EXT2: variants seen among roughly 807,000 people sequenced by gnomAD.
The protein encoded by EXT2 is exostosin glycosyltransferase 2, also known as exostosin-2.
In EXT2, 53 loss-of-function variants were observed where a neutral mutation model predicts 81.6. The ratio of observed to expected loss-of-function variants is 0.65; its 90% CI spans 0.52 to 0.82. The LOEUF is 0.82. Ranked by LOEUF, EXT2 falls within the 40% of genes least tolerant of loss-of-function variation. The pLI, the probability that EXT2 is intolerant of heterozygous loss-of-function variation, is 0.00. For synonymous variants in EXT2, 320 were observed against 340.0 expected (o/e 0.94, Z 0.65); for missense variants, 774 against 910.2 (o/e 0.85, Z 1.93).
chr11:44,129,944 T>C (rs933513731), intron 6 of EXT2, 101 bp from the exon 7 acceptor site: 7 of 889,244 alleles, frequency 7.9e-6, no homozygotes, highest in African/African-American at 3.3e-5. Flanking sequence ...TGAAGGAGGT[T>C]TGGGATGTTG....
intron 4 of EXT2, among the ~76,000 whole-genome samples, chr11:44,119,124 TTATATATATATA>T (rs200249806): frequency 0.025 from 653 of 25,612 alleles, 28 homozygotes; most frequent in African/African-American, 0.045. Context: ...ATTTGGCTAT[TTATATATATATA>T]TATATATATA....
intron 8 of EXT2, among the ~76,000 whole-genome samples, chr11:44,186,984 T>TCCTCCCTTCCTTCCTC (rs1426244619): frequency 1.4e-4 from 4 of 28,154 alleles, no homozygotes; most frequent in African/African-American, 5.1e-4. Context: ...GTACAAAATT[T>TCCTCCCTTCCTTCCTC]CCTTCCTTCC....
At chr11:44,206,606 A>G (rs1255295516) in intron 9 of EXT2, among the ~76,000 whole-genome samples, 187 bp from the exon 10 acceptor site, 1 of 152,142 alleles carries the variant, frequency 6.6e-6, no homozygotes, top group Non-Finnish European at 1.5e-5. Flanking sequence ...TACGTGCAGT[A>G]TATATATTTT....
At chr11:44,242,149 G>A (rs74663372) in intron 13 of EXT2, among the ~76,000 whole-genome samples, 1,769 of 152,304 alleles carry the variant, frequency 0.012, 34 homozygotes, top group African/African-American at 0.041. Context: ...TCTTTAATAC[G>A]TACTTGCTAG....
At chr11:44,173,217 G>GA (rs1443923413) in intron 8 of EXT2, among the ~76,000 whole-genome samples, 10 of 152,326 alleles carry the variant, frequency 6.6e-5, no homozygotes, top group South Asian at 2.1e-4. Context: ...GAGTGCCTGA[G>GA]AGGAAGTCAG....
At chr11:44,112,853 C>T (rs1954165583) in intron 3 of EXT2, among the ~76,000 whole-genome samples, 1 of 152,162 alleles carries the variant, frequency 6.6e-6, no homozygotes, top group Non-Finnish European at 1.5e-5. Flanking sequence ...ACCCACTTCT[C>T]CTCTGGGGCT....
intron 10 of EXT2, among the ~76,000 whole-genome samples, chr11:44,208,580 G>A (rs1955611033): frequency 6.6e-6 from 1 of 152,196 alleles, no homozygotes; most frequent in Non-Finnish European, 1.5e-5. Context: ...AAATCAGGAA[G>A]CTTTCTTATC....
chr11:44,143,648 A>C lies in EXT2; in HGVS notation c.1173+13510A>C, dbSNP rs918781292. ...GCAGAGCTTGTCCCTATAACCCTTAATCAGAAGATGGGGCTTTCTACCAGC... is the reference window on the plus strand; with the variant it reads ...GCAGAGCTTGTCCCTATAACCCTTACTCAGAAGATGGGGCTTTCTACCAGC... On this transcript the variant is annotated intron_variant, in intron 7 of 13. Coordinates refer to ENST00000533608, the MANE Select transcript of EXT2 (RefSeq NM_207122.2). 4.6e-5 allele frequency among the ~76,000 whole-genome samples: 7 copies of C among 152,302 alleles called. No individual in the cohort carries two copies. The South Asian group carries it at 1.5e-3, about 32-fold the overall frequency.
chr11:44,122,183 A>C (rs1333239446), intron 4 of EXT2, among the ~76,000 whole-genome samples: 2 of 152,194 alleles, frequency 1.3e-5, no homozygotes, highest in Non-Finnish European at 2.9e-5. Context: ...ATTGTTTGGA[A>C]AGACCTTTAA....
intron 8 of EXT2, among the ~76,000 whole-genome samples, chr11:44,193,793 C>G (rs960925003): frequency 3.9e-5 from 6 of 152,220 alleles, no homozygotes; most frequent in Admixed American, 2.0e-4. Flanking sequence ...TCCATACCCC[C>G]CATGCTGCCT....
intron 12 of EXT2, 53 bp from the exon 13 acceptor site, chr11:44,236,240 T>C: frequency 6.5e-7 from 1 of 1,535,624 alleles, no homozygotes; most frequent in Non-Finnish European, 9.0e-7. Context: ...ACAAGCATGA[T>C]TTTATTGTCC....
chr11:44,170,835 C>G (rs928249753), intron 7 of EXT2, among the ~76,000 whole-genome samples: 3 of 148,348 alleles, frequency 2.0e-5, no homozygotes, highest in South Asian at 2.1e-4. Flanking sequence ...CACACACACA[C>G]ACACACACAC....
rs114017425 is a variant in EXT2 at position 44,189,643 on chromosome 11, G to A, written c.1306-8186G>A. ...CACTCACTGTCATGAGAACAGCAAG[G>A]GGGAAACCCACCCCCATGATTCATT... On this transcript the variant is annotated intron_variant, in intron 8 of 13. Transcript: ENST00000533608. 5.5e-3 allele frequency among the ~76,000 whole-genome samples: 839 copies of A among 152,218 alleles called. 13 individuals carry two copies. Among genetic ancestry groups the A allele is most frequent in the African/African-American group, 0.019 (795 of 41,542 alleles).
intron 8 of EXT2, among the ~76,000 whole-genome samples, chr11:44,183,221 G>A (rs1429198640): frequency 6.6e-6 from 1 of 152,154 alleles, no homozygotes; most frequent in African/African-American, 2.4e-5. Flanking sequence ...GTCATGCCAA[G>A]TTACTACTTT....
intron 7 of EXT2, among the ~76,000 whole-genome samples, chr11:44,154,993 A>G (rs952829278): frequency 6.6e-6 from 1 of 152,042 alleles, no homozygotes; most frequent in African/African-American, 2.4e-5. Flanking sequence ...AGCTCCTTAT[A>G]TATTCTGGTT....
At chr11:44,115,369 C>G (rs948335188) in intron 4 of EXT2, among the ~76,000 whole-genome samples, 7 of 152,066 alleles carry the variant, frequency 4.6e-5, no homozygotes, top group Non-Finnish European at 8.8e-5. Flanking sequence ...TTTTAAACTA[C>G]CATATCTTCA....
At chr11:44,234,375 C>A in intron 12 of EXT2, 132 bp downstream of exon 12, 3 of 881,528 alleles carry the variant, frequency 3.4e-6, no homozygotes, top group Non-Finnish European at 5.5e-6. Context: ...GTTTAAGGTT[C>A]TATGATTGAT....
chr11:44,224,640 A>T (rs1955819732), intron 10 of EXT2, among the ~76,000 whole-genome samples: 1 of 152,128 alleles, frequency 6.6e-6, no homozygotes, highest in African/African-American at 2.4e-5. Context: ...ATGTTTTGGG[A>T]AGCAGATTTA....
At chr11:44,126,112 T>C (rs4755781) in intron 5 of EXT2, among the ~76,000 whole-genome samples, 151,112 of 152,342 alleles carry the variant, frequency 0.99, 74,957 homozygotes, top group East Asian at 1. Context: ...TAGTTAAGGT[T>C]TCTGTATTTT....
Sources: allele counts gnomAD v4.1 joint callset (sites outside exome capture counted in the v4.1 genomes callset), GRCh38; gene constraint gnomAD v4.1.1; transcripts MANE v1.5; gene names NCBI Gene and HGNC (gene_info 2026-07-23, HGNC 2026-07-21).